The following DHX57 variants were observed in gnomAD, a reference collection of about 807,000 sequenced individuals.
DHX57 encodes DExH-box helicase 57.
In DHX57, 105 loss-of-function variants were observed where a neutral mutation model predicts 156.2. The observed-to-expected ratio is 0.67, with a 90% CI of 0.57 to 0.79. The LOEUF (loss-of-function observed/expected upper bound fraction) is 0.79. Among genes scored for constraint, DHX57 ranks in the 30% least tolerant of loss-of-function variants. The pLI, the probability that DHX57 is intolerant of heterozygous loss-of-function variation, is 0.00. For synonymous variants in DHX57, 704 were observed against 595.6 expected (o/e 1.18, Z -2.65); for missense variants, 1,847 against 1,661.9 (o/e 1.11, Z -1.94).
intron 23 of DHX57, 98 bp from the exon 24 acceptor site, chr2:38,798,540 T>G (rs1669502810): frequency 7.3e-7 from 1 of 1,376,858 alleles, no homozygotes; most frequent in South Asian, 1.6e-5. Flanking sequence ...TATTTAGATT[T>G]CTGGTACTAA....
chr2:38,806,838 T>A, intron 21 of DHX57, 145 bp from the exon 22 acceptor site: 1 of 873,042 alleles, frequency 1.1e-6, no homozygotes, highest in Non-Finnish European at 1.7e-6. Context: ...TTATTTTGTT[T>A]CCTTCTGAAA....
In DHX57 at chr2:38,832,553, T is replaced by A. The variant is rs1000897442; in HGVS notation, c.2543-4117A>T. On this transcript the variant is annotated intron_variant, in intron 13 of 23. Transcript: ENST00000457308. ...GATTAATATATATATATATATATAT[T>A]TTTTTTTTTAGAGACAGAGTCTTGC... is the stretch of plus-strand genomic sequence containing the variant. Among the ~76,000 whole-genome samples the A allele has an allele frequency of 6.8e-3, 765 of 112,018 alleles. 8 individuals are homozygous for A. The highest frequency in any genetic ancestry group is 0.025 in the African/African-American group (727 of 28,790). The allele number at this position is 112,018 out of a possible 152,430, so 73.5% of individuals were successfully genotyped here. A position where few individuals can be genotyped will look rare whatever the true frequency, so the allele number is the denominator to read the frequency against.
intron 20 of DHX57, among the ~76,000 whole-genome samples, chr2:38,814,490 C>T (rs867911377): frequency 2.6e-5 from 4 of 152,162 alleles, no homozygotes; most frequent in African/African-American, 9.7e-5. Flanking sequence ...AATTATGGTT[C>T]ATGAGATGTT....
chr2:38,849,245 C>T (rs1379529138), intron 9 of DHX57, among the ~76,000 whole-genome samples: 1 of 152,118 alleles, frequency 6.6e-6, no homozygotes, highest in Non-Finnish European at 1.5e-5. Context: ...TAAGGTAGAG[C>T]TCTAGAAAAT....
rs1032331289 is a variant in DHX57 at position 38,811,569 on chromosome 2, T to C, written c.3681+2252A>G. On this transcript the variant is annotated intron_variant, in intron 21 of 23. Coordinates refer to ENST00000457308, the MANE Select transcript of DHX57 (RefSeq NM_198963.3). ...ATTGGCCAGGTAGGCAATAATGTCA[T>C]AGCCTTGTTCCTTCAGCCACACGAG... 3.0e-6 allele frequency: 4 copies of C among 1,330,802 alleles called. No individual in the cohort carries two copies. In the African/African-American group the frequency reaches 4.4e-5, roughly 15 times the overall value. The allele number at this position is 1,330,802 out of a possible 1,614,324, so 82.4% of individuals were successfully genotyped here. A position where few individuals can be genotyped will look rare whatever the true frequency, so the allele number is the denominator to read the frequency against.
At chr2:38,847,116 A>G (rs1672329808) in intron 10 of DHX57, 43 bp from the exon 11 acceptor site, 1 of 1,468,964 alleles carries the variant, frequency 6.8e-7, no homozygotes, top group Admixed American at 1.7e-5. Flanking sequence ...GAGAACACCC[A>G]TTCAACCATC....
At position 38,854,932 on chromosome 2, in the gene DHX57, CA is replaced by C. The variant is rs1437947582; in HGVS notation, c.1905+124del. 5.7e-6 allele frequency: 5 copies of C among 882,008 alleles called. No homozygotes were observed. The African/African-American group carries it at 8.4e-5, about 15-fold the overall frequency. 54.6% of individuals were successfully genotyped at this position (882,008 alleles called of 1,614,324 possible). Reference sequence around the variant, plus strand: ...TAAATAAATGATTACCAAAGGTAATCATTAATTTAAAAATAACCTGAAAGTA... The same window carrying C: ...TAAATAAATGATTACCAAAGGTAATCTTAATTTAAAAATAACCTGAAAGTA... On this transcript the variant is annotated intron_variant, in intron 8 of 23. Coordinates refer to ENST00000457308, the MANE Select transcript of DHX57 (RefSeq NM_198963.3).
chr2:38,829,951 C>T (rs766443231), intron 13 of DHX57, among the ~76,000 whole-genome samples: 2 of 152,122 alleles, frequency 1.3e-5, no homozygotes, highest in South Asian at 4.1e-4. Context: ...ATAAAATAAG[C>T]ATGAAAACTG....
At chr2:38,843,269 G>A (rs1352962520) in intron 11 of DHX57, 59 bp from the exon 12 acceptor site, 3 of 1,554,848 alleles carry the variant, frequency 1.9e-6, no homozygotes, top group African/African-American at 2.7e-5. Context: ...AGGAGGGAAA[G>A]AATTCACCTG....
At chr2:38,828,735 A>G (rs1262604834) in intron 13 of DHX57, among the ~76,000 whole-genome samples, 1 of 152,048 alleles carries the variant, frequency 6.6e-6, no homozygotes, top group African/African-American at 2.4e-5. Flanking sequence ...AAAAAAAAAA[A>G]AAGAGAAATT....
At chr2:38,830,906 C>T (rs1671345642) in intron 13 of DHX57, among the ~76,000 whole-genome samples, 1 of 151,850 alleles carries the variant, frequency 6.6e-6, no homozygotes, top group Admixed American at 6.6e-5. Context: ...CCAGTCTGGG[C>T]AACACAAGGG....
intron 13 of DHX57, among the ~76,000 whole-genome samples, chr2:38,836,234 T>C (rs568629052): frequency 6.6e-6 from 1 of 152,212 alleles, no homozygotes; most frequent in South Asian, 2.1e-4. Flanking sequence ...TACAATATGT[T>C]TCCTTAATGT....
intron 8 of DHX57, 152 bp downstream of exon 8, chr2:38,854,905 T>C (rs1672803269): frequency 1.3e-6 from 1 of 755,796 alleles, no homozygotes; most frequent in African/African-American, 1.8e-5. Context: ...TTTCTAAATA[T>C]TTAAATAAAT....
chr2:38,857,988 C>A (rs1288080070), intron 6 of DHX57, among the ~76,000 whole-genome samples: 2 of 152,216 alleles, frequency 1.3e-5, no homozygotes. Flanking sequence ...CTGCCTCAGC[C>A]TTCCAAGTAG....
chr2:38,861,447 G>A lies in DHX57; in HGVS notation c.963C>T (p.Phe321=). The A allele has an allele frequency of 6.2e-7, 1 of 1,614,020 alleles. No individual in the cohort carries two copies. Among genetic ancestry groups the A allele is most frequent in the Middle Eastern group, 1.6e-4 (1 of 6,062 alleles). The change falls in exon 5 of 24, where the codon TTC becomes TTT. Residue 321 remains phenylalanine, a synonymous_variant. Transcript: ENST00000457308. Reference sequence around the variant, plus strand: ...TTTGATTTGGGGGCACTTCATGTTTGAATCTGCATTTTGATCCAAATTTAC... The same window carrying A: ...TTTGATTTGGGGGCACTTCATGTTTAAATCTGCATTTTGATCCAAATTTAC... ...GNCKFGSKCR[F]KHEVPPNQIV... is the part of the protein sequence containing the mutation.
At chr2:38,809,918 G>A (rs1252902521) in intron 21 of DHX57, among the ~76,000 whole-genome samples, 1 of 151,736 alleles carries the variant, frequency 6.6e-6, no homozygotes, top group Non-Finnish European at 1.5e-5. Flanking sequence ...TTTTGAGACG[G>A]AGTCATGTTC....
chr2:38,828,320 A>G lies in DHX57; in HGVS notation c.2639+20T>C, dbSNP rs1671208883. On this transcript the variant is annotated intron_variant, in intron 14 of 23. Coordinates refer to ENST00000457308, the MANE Select transcript of DHX57 (RefSeq NM_198963.3). ...GTAACTGCAATGGATGATTAAGAATATAGAAAGCAATTAGCTTACCGATTA... is the reference window on the plus strand; with the variant it reads ...GTAACTGCAATGGATGATTAAGAATGTAGAAAGCAATTAGCTTACCGATTA... 5 of 1,587,554 alleles carry G rather than the reference A, an allele frequency of 3.1e-6. No individual in the cohort carries two copies. Among genetic ancestry groups the G allele is most frequent in the Non-Finnish European group, 4.3e-6 (5 of 1,159,254 alleles).
At chr2:38,819,216 C>G in intron 17 of DHX57, 72 bp from the exon 18 acceptor site, 1 of 1,473,456 alleles carries the variant, frequency 6.8e-7, no homozygotes, top group South Asian at 1.2e-5. Flanking sequence ...GTTCTGTTGC[C>G]CAGGCTGGAG....
At chr2:38,817,828 G>T (rs1446745640) in intron 19 of DHX57, among the ~76,000 whole-genome samples, 1 of 152,132 alleles carries the variant, frequency 6.6e-6, no homozygotes, top group Admixed American at 6.6e-5. Context: ...CTCTGGAGTA[G>T]ATGGGATTAC....
Sources: allele counts gnomAD v4.1 joint callset (sites outside exome capture counted in the v4.1 genomes callset), GRCh38; gene constraint gnomAD v4.1.1; transcripts MANE v1.5; gene names NCBI Gene and HGNC (gene_info 2026-07-23, HGNC 2026-07-21).